The following TRHDE variants were observed in gnomAD, a reference collection of about 807,000 sequenced individuals.
TRHDE encodes the protein thyrotropin-releasing hormone-degrading ectoenzyme.
Under a neutral mutation model 125.7 loss-of-function variants are expected in TRHDE, and 72 were observed. The observed-to-expected ratio is 0.57, with a 90% confidence interval of 0.47 to 0.70. The LOEUF is 0.70. TRHDE is among the 30% of genes least tolerant of loss of function. The pLI, the probability that TRHDE is intolerant of heterozygous loss-of-function variation, is 0.00. For synonymous variants in TRHDE, 509 were observed against 509.1 expected (o/e 1.00, Z 0.00); for missense variants, 1,110 against 1,327.1 (o/e 0.84, Z 2.54).
At chr12:72,193,334 C>T (rs1877376403) in intron 2 of TRHDE, among the ~76,000 whole-genome samples, 1 of 151,812 alleles carries the variant, frequency 6.6e-6, no homozygotes, top group Admixed American at 6.6e-5. Flanking sequence ...ATCTGTAGAA[C>T]CCCTAACACT....
rs1417446295 is a variant in TRHDE at position 72,319,967 on chromosome 12, A to G, written c.1188+33013A>G. Among the ~76,000 whole-genome samples the G allele has an allele frequency of 3.6e-5, 5 of 138,730 alleles. No individual in the cohort carries two copies. In the Admixed American group the frequency reaches 3.7e-4, roughly 10 times the overall value. 91.0% of individuals were successfully genotyped at this position (138,730 alleles called of 152,430 possible). On this transcript the variant is annotated intron_variant, in intron 2 of 18. Transcript: ENST00000261180. ...TATGGTACCTACTAAAGCATCTGATAATTATGACATTTAATTATGGTACTG... is the reference window on the plus strand; with the variant it reads ...TATGGTACCTACTAAAGCATCTGATGATTATGACATTTAATTATGGTACTG...
intron 6 of TRHDE, among the ~76,000 whole-genome samples, chr12:72,518,077 T>C (rs961525593): frequency 5.3e-4 from 79 of 149,626 alleles, no homozygotes; most frequent in South Asian, 1.3e-3. Context: ...ATGTGGTCAA[T>C]TTTAGAATAG....
Position 72,233,873 on chromosome 12 carries a change from C to A in TRHDE, n.279+128121C>A, listed in dbSNP as rs572075214. On this transcript the variant is annotated intron_variant and non_coding_transcript_variant, in intron 2 of 4. Coordinates refer to the TRHDE transcript ENST00000548156. ...TTAGAAGATTTTTTTTCAGCCAATG[C>A]AATACTTGCTTTGTTTTGTCACCTA... Among the ~76,000 whole-genome samples the A allele has an allele frequency of 2.0e-5, 3 of 152,170 alleles. No homozygotes were observed. The South Asian group carries it at 6.2e-4, about 32-fold the overall frequency.
intron 2 of TRHDE, among the ~76,000 whole-genome samples, chr12:72,150,190 A>G (rs1019295774): frequency 4.6e-5 from 7 of 152,204 alleles, no homozygotes; most frequent in Non-Finnish European, 1.0e-4. Context: ...GTTGAAGAAT[A>G]TAAGATAGGC....
chr12:72,280,394 C>G (rs549222363), intron 1 of TRHDE, among the ~76,000 whole-genome samples: 2 of 152,046 alleles, frequency 1.3e-5, no homozygotes, highest in Non-Finnish European at 2.9e-5. Flanking sequence ...TGTGTAGGAC[C>G]AACGTTCTTG....
intron 6 of TRHDE, among the ~76,000 whole-genome samples, chr12:72,519,588 A>T (rs1879069395): frequency 6.6e-6 from 1 of 152,108 alleles, no homozygotes; most frequent in African/African-American, 2.4e-5. Flanking sequence ...CTTTGGTTTG[A>T]ATGTCCTCCA....
chr12:72,650,004 T>A (rs1874441730), intron 15 of TRHDE, among the ~76,000 whole-genome samples: 2 of 152,112 alleles, frequency 1.3e-5, no homozygotes, highest in Admixed American at 6.6e-5. Context: ...AGAACTACAA[T>A]ATAATCCAGC....
At chr12:72,363,005 T>C (rs959899865) in intron 2 of TRHDE, among the ~76,000 whole-genome samples, 4 of 152,208 alleles carry the variant, frequency 2.6e-5, no homozygotes, top group South Asian at 2.1e-4. Flanking sequence ...GCATGATGCC[T>C]CCAGCTTTGT....
chr12:72,210,059 T>A (rs1268471058), intron 2 of TRHDE, among the ~76,000 whole-genome samples: 1 of 152,204 alleles, frequency 6.6e-6, no homozygotes, highest in Non-Finnish European at 1.5e-5. Flanking sequence ...AGTTTATGGA[T>A]GTTTTTCCAG....
At chr12:72,249,886 G>C (rs1481676478) in intron 2 of TRHDE, among the ~76,000 whole-genome samples, 7 of 151,830 alleles carry the variant, frequency 4.6e-5, no homozygotes, top group African/African-American at 1.7e-4. Context: ...CAAAACTTGC[G>C]GTGACTCAAC....
chr12:72,456,174 C>G lies in TRHDE; in HGVS notation c.1316-13584C>G, dbSNP rs865966803. On this transcript the variant is annotated intron_variant, in intron 3 of 18. Coordinates refer to ENST00000261180, the MANE Select transcript of TRHDE (RefSeq NM_013381.3). ...ACACACACACACACACACACACACA[C>G]ACAGAGACTCAGAGAGTTGGACATA... Among the ~76,000 whole-genome samples, 326 of 97,912 alleles carry G rather than the reference C, an allele frequency of 3.3e-3. 4 individuals are homozygous for G. Among genetic ancestry groups the G allele is most frequent in the South Asian group, 0.017 (51 of 3,032 alleles). 64.2% of individuals were successfully genotyped at this position (97,912 alleles called of 152,430 possible). A position where few individuals can be genotyped will look rare whatever the true frequency, so the allele number is the denominator to read the frequency against.
intron 2 of TRHDE, among the ~76,000 whole-genome samples, chr12:72,302,432 A>T (rs1229225320): frequency 6.6e-6 from 1 of 152,152 alleles, no homozygotes; most frequent in Non-Finnish European, 1.5e-5. Flanking sequence ...TAAAAATTGG[A>T]TTAAAAATAA....
chr12:72,089,542 C>G (rs527423451), intron 1 of TRHDE, among the ~76,000 whole-genome samples: 4 of 152,180 alleles, frequency 2.6e-5, no homozygotes, highest in African/African-American at 9.6e-5. Flanking sequence ...ACAATTTTCT[C>G]AGTGTAAAAT....
intron 7 of TRHDE, among the ~76,000 whole-genome samples, chr12:72,554,624 C>T (rs1869835709): frequency 6.6e-6 from 1 of 152,142 alleles, no homozygotes. Context: ...CCATTTTTAC[C>T]AGCCAGGATG....
Position 72,288,603 on chromosome 12 carries a change from C to T in TRHDE, c.1188+1649C>T, listed in dbSNP as rs548182532. On this transcript the variant is annotated intron_variant, in intron 2 of 18. Transcript: ENST00000261180. Reference sequence around the variant, plus strand: ...CACGAAGACATCTCATTTCATTTTACGTCTTCAAAAGTTGATGATTGACTT... The same window carrying T: ...CACGAAGACATCTCATTTCATTTTATGTCTTCAAAAGTTGATGATTGACTT... 3.3e-5 allele frequency among the ~76,000 whole-genome samples: 5 copies of T among 152,260 alleles called. No individual in the cohort carries two copies. The East Asian group carries it at 7.7e-4, about 23-fold the overall frequency.
chr12:72,657,063 T>C, intron 18 of TRHDE, 55 bp downstream of exon 18: 1 of 1,137,622 alleles, frequency 8.8e-7, no homozygotes, highest in South Asian at 1.3e-5. Context: ...TTTGAAATTA[T>C]GCATTTACTT....
intron 1 of TRHDE, among the ~76,000 whole-genome samples, chr12:72,090,146 T>C (rs1874756510): frequency 6.6e-6 from 1 of 152,148 alleles, no homozygotes; most frequent in South Asian, 2.1e-4. Flanking sequence ...AACCCTAGTA[T>C]GCTATTGTTT....
intron 3 of TRHDE, among the ~76,000 whole-genome samples, chr12:72,429,661 C>CCTTG (rs2135839182): frequency 6.6e-6 from 1 of 151,970 alleles, no homozygotes; most frequent in African/African-American, 2.4e-5. Flanking sequence ...ATTGAGGGTT[C>CCTTG]CAATTTTTAT....
chr12:72,453,627 G>A (rs1031779800), intron 3 of TRHDE, among the ~76,000 whole-genome samples: 8 of 152,186 alleles, frequency 5.3e-5, no homozygotes, highest in African/African-American at 1.9e-4. Flanking sequence ...AAAACAATGA[G>A]GAAAAGGCCT....
Sources: gnomAD v4.1 joint callset for allele counts (sites outside exome capture counted in the v4.1 genomes callset) on GRCh38, gnomAD v4.1.1 for gene constraint, MANE v1.5 for transcripts, NCBI Gene and HGNC (gene_info 2026-07-23, HGNC 2026-07-21) for gene names.